The following ARIH1 variants were observed in gnomAD, a reference collection of about 807,000 sequenced individuals.
ARIH1 encodes the protein ariadne RBR E3 ubiquitin protein ligase 1.
ARIH1 carries 8 observed loss-of-function variants against 85.0 expected under a neutral mutation model. The ratio of observed to expected loss-of-function variants is 0.09; its 90% confidence interval spans 0.06 to 0.17. The LOEUF (loss-of-function observed/expected upper bound fraction) is 0.17, where lower values mean the gene tolerates loss of function less well. Among genes scored for constraint, ARIH1 ranks in the 10% least tolerant of loss-of-function variants. ARIH1 has a pLI of 1.00. For synonymous variants in ARIH1, 238 were observed against 253.6 expected (o/e 0.94, Z 0.59); for missense variants, 311 against 718.1 (o/e 0.43, Z 6.48).
At position 72,592,542 on chromosome 15, in the gene ARIH1, C is replaced by A. The variant is rs1369921982; in HGVS notation, c.*9250C>A. On this transcript the variant is annotated 3_prime_UTR_variant, in exon 14 of 14. Transcript: ENST00000379887. ...GAAGACATAATATGTTACAATTAAC[C>A]CAGAAAATTCTCAAGTACTTTTAAA... 6.6e-6 allele frequency: 1 copy of A among 152,128 alleles called. No individual in the cohort carries two copies. The highest frequency in any genetic ancestry group is 1.5e-5 in the Non-Finnish European group (1 of 68,024). The allele number at this position is 152,128 out of a possible 1,614,324, so 9.4% of individuals were successfully genotyped here. A position where few individuals can be genotyped will look rare whatever the true frequency, so the allele number is the denominator to read the frequency against.
intron 1 of ARIH1, among the ~76,000 whole-genome samples, chr15:72,491,304 C>A (rs1401844871): frequency 6.6e-6 from 1 of 151,112 alleles, no homozygotes; most frequent in African/African-American, 2.4e-5. Context: ...AAATGCTTCC[C>A]CCCACCCCCC....
intron 9 of ARIH1, among the ~76,000 whole-genome samples, chr15:72,568,626 C>G (rs2064230878): frequency 6.6e-6 from 1 of 151,952 alleles, no homozygotes. Context: ...TTATTAGCTC[C>G]CTAAACAGAT....
chr15:72,508,010 G>A (rs1034429846), intron 1 of ARIH1, among the ~76,000 whole-genome samples: 1 of 152,074 alleles, frequency 6.6e-6, no homozygotes, highest in Non-Finnish European at 1.5e-5. Flanking sequence ...GATCATCTGG[G>A]GACCTTCAGA....
chr15:72,529,427 A>G (rs749414145), intron 2 of ARIH1, among the ~76,000 whole-genome samples: 5 of 152,226 alleles, frequency 3.3e-5, no homozygotes, highest in Non-Finnish European at 7.4e-5. Flanking sequence ...ATGGGACCTT[A>G]CTTTGTTGAC....
intron 1 of ARIH1, among the ~76,000 whole-genome samples, chr15:72,484,537 T>G (rs566606097): frequency 2.0e-5 from 3 of 152,138 alleles, no homozygotes; most frequent in Admixed American, 2.0e-4. Context: ...CTGTTCTTGA[T>G]TTACTTCTCT....
At chr15:72,483,991 C>T (rs1481654983) in intron 1 of ARIH1, among the ~76,000 whole-genome samples, 10 of 149,844 alleles carry the variant, frequency 6.7e-5, no homozygotes, top group African/African-American at 1.2e-4. Flanking sequence ...GGCCAAATGG[C>T]GAAACCCCGT....
At position 72,593,914 on chromosome 15, in the gene ARIH1, AAAG is replaced by A. The variant is rs1454291183; in HGVS notation, c.*10625_*10627del. On this transcript the variant is annotated 3_prime_UTR_variant, in exon 14 of 14. Coordinates refer to ENST00000379887, the MANE Select transcript of ARIH1 (RefSeq NM_005744.5). Reference sequence around the variant, plus strand: ...ACAGCAAGACCCTGTCAAAAAAAAAAAAGAAAAGAAAAAACTGCTAGAATCTTG... The same window carrying A: ...ACAGCAAGACCCTGTCAAAAAAAAAAAAAAGAAAAAACTGCTAGAATCTTG... 1 of 151,592 alleles carries A rather than the reference AAAG, an allele frequency of 6.6e-6. No homozygotes were observed. The highest frequency in any genetic ancestry group is 1.5e-5 in the Non-Finnish European group (1 of 67,920). 9.4% of individuals were successfully genotyped at this position (151,592 alleles called of 1,614,324 possible).
intron 3 of ARIH1, among the ~76,000 whole-genome samples, chr15:72,550,500 C>G (rs1464340356): frequency 6.6e-6 from 1 of 152,036 alleles, no homozygotes; most frequent in East Asian, 1.9e-4. Flanking sequence ...ACAGAATACC[C>G]CTTCCTTTAA....
In ARIH1 at chr15:72,595,820, T is replaced by C. The variant is rs2064361361; in HGVS notation, c.*12528T>C. The C allele has an allele frequency of 1.3e-5, 2 of 151,276 alleles. No homozygotes were observed. The highest frequency in any genetic ancestry group is 2.1e-4 in the South Asian group (1 of 4,802). The allele number at this position is 151,276 out of a possible 1,614,324, so 9.4% of individuals were successfully genotyped here. A position where few individuals can be genotyped will look rare whatever the true frequency, so the allele number is the denominator to read the frequency against. ...TTTTGTTTTTTCTGTTTTTTTTTTT[T>C]TTTTTTCATCTTTGTTTTTGTTTTT... On this transcript the variant is annotated 3_prime_UTR_variant, in exon 14 of 14. Transcript: ENST00000379887.
intron 11 of ARIH1, among the ~76,000 whole-genome samples, chr15:72,575,945 G>A (rs376819372): frequency 3.3e-5 from 5 of 152,168 alleles, no homozygotes; most frequent in African/African-American, 1.2e-4. Flanking sequence ...CTGGGCCCAA[G>A]TGGTCCTCCT....
chr15:72,484,687 A>G (rs2063830208), intron 1 of ARIH1, among the ~76,000 whole-genome samples: 1 of 151,046 alleles, frequency 6.6e-6, no homozygotes, highest in Non-Finnish European at 1.5e-5. Flanking sequence ...ATATACGTAT[A>G]TGTATGCGTG....
intron 11 of ARIH1, among the ~76,000 whole-genome samples, chr15:72,573,185 T>C (rs1304638125): frequency 6.6e-6 from 1 of 152,238 alleles, no homozygotes; most frequent in Non-Finnish European, 1.5e-5. Context: ...AATAAAAATA[T>C]CATATATAGA....
At chr15:72,574,892 A>G (rs980609986) in intron 11 of ARIH1, among the ~76,000 whole-genome samples, 2 of 134,812 alleles carry the variant, frequency 1.5e-5, no homozygotes, top group African/African-American at 5.1e-5. Flanking sequence ...CAACATAGTA[A>G]GACCCCCCCG....
intron 2 of ARIH1, among the ~76,000 whole-genome samples, chr15:72,524,364 C>T (rs2064016849): frequency 6.6e-6 from 1 of 151,630 alleles, no homozygotes; most frequent in African/African-American, 2.4e-5. Flanking sequence ...CAGGCGTGCG[C>T]CACCATGCCT....
chr15:72,540,361 A>G (rs1268245576), intron 2 of ARIH1, among the ~76,000 whole-genome samples: 1 of 152,080 alleles, frequency 6.6e-6, no homozygotes, highest in Non-Finnish European at 1.5e-5. Context: ...AGGGATGATC[A>G]ATGTATTATT....
chr15:72,581,960 C>T, intron 12 of ARIH1, 115 bp from the exon 13 acceptor site: 1 of 646,964 alleles, frequency 1.5e-6, no homozygotes, highest in Admixed American at 2.9e-5. Context: ...AGTTAAACCA[C>T]CTATGAAAGT....
intron 1 of ARIH1, among the ~76,000 whole-genome samples, chr15:72,506,344 C>T (rs551654349): frequency 0.011 from 103 of 9,318 alleles, no homozygotes; most frequent in Admixed American, 0.044. Flanking sequence ...AGCAAGACTC[C>T]GTCTCACAAA....
At chr15:72,547,322 T>C (rs1282001940) in intron 3 of ARIH1, among the ~76,000 whole-genome samples, 3 of 151,596 alleles carry the variant, frequency 2.0e-5, no homozygotes, top group Non-Finnish European at 2.9e-5. Context: ...AGCCTGCGCC[T>C]CCTGGGTTCA....
chr15:72,564,586 A>G (rs1335094279), intron 7 of ARIH1, among the ~76,000 whole-genome samples: 1 of 152,078 alleles, frequency 6.6e-6, no homozygotes, highest in Admixed American at 6.6e-5. Flanking sequence ...CGGCTTTCAC[A>G]TTTTTGGTTT....
Sources: allele counts gnomAD v4.1 joint callset (sites outside exome capture counted in the v4.1 genomes callset), GRCh38; gene constraint gnomAD v4.1.1; transcripts MANE v1.5; gene names NCBI Gene and HGNC (gene_info 2026-07-23, HGNC 2026-07-21).